Variants in SPIDR observed in about 807,000 individuals in gnomAD.
SPIDR encodes the protein DNA repair-scaffolding protein.
In SPIDR, 93 loss-of-function variants were observed where a neutral mutation model predicts 104.6. The observed-to-expected ratio is 0.89, with a 90% confidence interval of 0.75 to 1.06. The LOEUF is 1.06. Ranked by LOEUF, SPIDR falls within the 50% of genes least tolerant of loss-of-function variation. The probability of loss-of-function intolerance (pLI) is 0.00; values close to 1 mark genes in which losing one functional copy is unlikely to be tolerated. For synonymous variants in SPIDR, 431 were observed against 416.9 expected (o/e 1.03, Z -0.41); for missense variants, 1,154 against 1,111.2 (o/e 1.04, Z -0.55).
intron 8 of SPIDR, among the ~76,000 whole-genome samples, chr8:47,575,891 C>T (rs1348152471): frequency 3.4e-5 from 5 of 148,784 alleles, no homozygotes; most frequent in East Asian, 2.0e-4. Flanking sequence ...ACCTGGCAGG[C>T]GGAGGTTGCA....
chr8:47,575,707 A>G (rs1413914253), intron 8 of SPIDR, among the ~76,000 whole-genome samples: 2 of 151,308 alleles, frequency 1.3e-5, no homozygotes, highest in Admixed American at 1.3e-4. Context: ...CACACTTGTA[A>G]TCCCAGCCCT....
At chr8:47,533,035 T>C (rs529715630) in intron 8 of SPIDR, among the ~76,000 whole-genome samples, 13 of 152,168 alleles carry the variant, frequency 8.5e-5, no homozygotes, top group African/African-American at 2.2e-4. Flanking sequence ...AAATTTAAAA[T>C]ATTTTAACAA....
At position 47,269,090 on chromosome 8, in the gene SPIDR, C is replaced by T. The variant is rs910036873; in HGVS notation, c.33+8099C>T. Among the ~76,000 whole-genome samples the T allele has an allele frequency of 1.1e-4, 16 of 151,092 alleles. 1 individual carries two copies. The highest frequency in any genetic ancestry group is 9.2e-4 in the Admixed American group (14 of 15,168). On this transcript the variant is annotated intron_variant, in intron 1 of 19. Coordinates refer to ENST00000297423, the MANE Select transcript of SPIDR (RefSeq NM_001080394.4). ...GCTGAGGCAAGAGGATTGCTTGAGC[C>T]GAGGAGGTGGAAGCTTCAGTGAGCC...
At chr8:47,272,572 T>G (rs2035550233) in intron 1 of SPIDR, among the ~76,000 whole-genome samples, 1 of 152,192 alleles carries the variant, frequency 6.6e-6, no homozygotes, top group Non-Finnish European at 1.5e-5. Flanking sequence ...GACATATGCT[T>G]TGGCAATTTG....
intron 8 of SPIDR, among the ~76,000 whole-genome samples, chr8:47,526,754 A>G (rs952065285): frequency 2.0e-5 from 3 of 152,226 alleles, no homozygotes; most frequent in Non-Finnish European, 4.4e-5. Flanking sequence ...CTAGTCTGGC[A>G]TATAAGGCAG....
chr8:47,495,424 A>G lies in SPIDR; in HGVS notation c.1097+54882A>G, dbSNP rs552536190. Among the ~76,000 whole-genome samples, 20 of 152,200 alleles carry G rather than the reference A, an allele frequency of 1.3e-4. No homozygotes were observed. The East Asian group carries it at 3.7e-3, about 28-fold the overall frequency. On this transcript the variant is annotated intron_variant, in intron 8 of 19. Transcript: ENST00000297423. ...AAAGATATAATTAACATAGTATACA[A>G]TTCTTCATTTTAAAATGTATAGTTA...
intron 7 of SPIDR, among the ~76,000 whole-genome samples, chr8:47,427,797 T>C (rs1274119507): frequency 3.3e-5 from 5 of 152,218 alleles, no homozygotes; most frequent in Non-Finnish European, 5.9e-5. Context: ...CCCCCACCTA[T>C]TTCTTACTGC....
intron 1 of SPIDR, among the ~76,000 whole-genome samples, chr8:47,268,618 A>T (rs2034588528): frequency 1.3e-5 from 2 of 152,082 alleles, no homozygotes. Flanking sequence ...CACGTGGCTA[A>T]TATTTTTTGT....
At chr8:47,574,646 C>T (rs2154407412) in intron 8 of SPIDR, among the ~76,000 whole-genome samples, 1 of 151,814 alleles carries the variant, frequency 6.6e-6, no homozygotes, top group South Asian at 2.1e-4. Flanking sequence ...ATTACTTGGG[C>T]GTAGTGGCAG....
At chr8:47,329,727 A>G (rs2048339178) in intron 5 of SPIDR, among the ~76,000 whole-genome samples, 1 of 152,164 alleles carries the variant, frequency 6.6e-6, no homozygotes, top group Admixed American at 6.5e-5. Context: ...TATAGAAGGG[A>G]AAAGAAAGGA....
intron 11 of SPIDR, among the ~76,000 whole-genome samples, chr8:47,681,799 A>G (rs1305337754): frequency 1.3e-5 from 2 of 152,218 alleles, no homozygotes; most frequent in Non-Finnish European, 2.9e-5. Context: ...CATAAGAACA[A>G]TGAAGAAAAT....
chr8:47,320,149 G>A (rs1554593765), intron 5 of SPIDR, among the ~76,000 whole-genome samples: 1 of 152,150 alleles, frequency 6.6e-6, no homozygotes. Context: ...AAAAATCAGT[G>A]AATCCAGGAG....
chr8:47,675,448 G>A (rs2076309040), intron 11 of SPIDR, among the ~76,000 whole-genome samples: 1 of 152,212 alleles, frequency 6.6e-6, no homozygotes, highest in African/African-American at 2.4e-5. Context: ...TGGAAAGCAT[G>A]TCTAGATACG....
intron 7 of SPIDR, among the ~76,000 whole-genome samples, chr8:47,420,662 G>A (rs931455477): frequency 5.3e-5 from 8 of 152,258 alleles, no homozygotes; most frequent in South Asian, 2.1e-4. Context: ...TCATTATGAT[G>A]TTACCTGGTT....
At chr8:47,631,432 G>A (rs963351349) in intron 10 of SPIDR, among the ~76,000 whole-genome samples, 1 of 152,192 alleles carries the variant, frequency 6.6e-6, no homozygotes, top group African/African-American at 2.4e-5. Context: ...TTACCTCCTG[G>A]TGGTTGCATA....
intron 11 of SPIDR, among the ~76,000 whole-genome samples, chr8:47,683,172 C>G (rs556159977): frequency 1.3e-5 from 2 of 152,346 alleles, no homozygotes; most frequent in East Asian, 3.9e-4. Context: ...AACTTTTAGA[C>G]TATATTTACC....
chr8:47,606,103 T>C (rs188867215), intron 10 of SPIDR, among the ~76,000 whole-genome samples: 1 of 152,298 alleles, frequency 6.6e-6, no homozygotes, highest in African/African-American at 2.4e-5. Context: ...GCTGTCTAAA[T>C]GATGGAGATA....
intron 10 of SPIDR, among the ~76,000 whole-genome samples, chr8:47,658,540 G>A (rs1018563257): frequency 7.4e-6 from 1 of 135,388 alleles, no homozygotes; most frequent in Non-Finnish European, 1.6e-5. Context: ...GCAGGGTTTT[G>A]TTACTGTTGT....
intron 5 of SPIDR, among the ~76,000 whole-genome samples, chr8:47,315,240 A>G (rs2045095143): frequency 6.6e-6 from 1 of 152,176 alleles, no homozygotes; most frequent in Non-Finnish European, 1.5e-5. Context: ...GTAGAATATC[A>G]TGGGCAACTA....
Sources: gnomAD v4.1 joint callset for allele counts (sites outside exome capture counted in the v4.1 genomes callset) on GRCh38, gnomAD v4.1.1 for gene constraint, MANE v1.5 for transcripts, NCBI Gene and HGNC (gene_info 2026-07-23, HGNC 2026-07-21) for gene names.